Variants in OSBPL6 observed in about 807,000 individuals in gnomAD.
OSBPL6 encodes oxysterol-binding protein-related protein 6.
In OSBPL6, 49 loss-of-function variants were observed where a neutral mutation model predicts 125.8. The observed-to-expected ratio is 0.39, with a 90% CI of 0.31 to 0.49. The LOEUF is 0.49. OSBPL6 is among the 20% of genes least tolerant of loss of function. OSBPL6 has a pLI of 0.88. For missense variants in OSBPL6, 986 were observed against 1,135.4 expected (o/e 0.87, Z 1.89); for synonymous variants, 394 against 391.8 (o/e 1.01, Z -0.07).
intron 1 of OSBPL6, among the ~76,000 whole-genome samples, chr2:178,252,540 T>C (rs1004243888): frequency 6.6e-6 from 1 of 151,900 alleles, no homozygotes; most frequent in Non-Finnish European, 1.5e-5. Flanking sequence ...ACAAAAAAAA[T>C]AGGAGACTTT....
intron 1 of OSBPL6, among the ~76,000 whole-genome samples, chr2:178,243,715 T>C (rs981811302): frequency 6.6e-6 from 1 of 152,144 alleles, no homozygotes; most frequent in Non-Finnish European, 1.5e-5. Flanking sequence ...GTGCAATGGC[T>C]CAGTCTCGGC....
intron 3 of OSBPL6, among the ~76,000 whole-genome samples, chr2:178,319,781 G>A (rs952850273): frequency 2.0e-5 from 3 of 152,232 alleles, no homozygotes; most frequent in Non-Finnish European, 2.9e-5. Context: ...ATAACTAGAA[G>A]AGATACATGC....
At chr2:178,287,269 C>T (rs1684791909) in intron 2 of OSBPL6, among the ~76,000 whole-genome samples, 1 of 150,726 alleles carries the variant, frequency 6.6e-6, no homozygotes, top group Non-Finnish European at 1.5e-5. Context: ...TTTCAGGCCA[C>T]AGGGTATCCA....
intron 2 of OSBPL6, among the ~76,000 whole-genome samples, chr2:178,287,142 C>A (rs1298576989): frequency 6.6e-5 from 7 of 106,548 alleles, no homozygotes; most frequent in South Asian, 3.0e-4. Context: ...AATGGTTCTT[C>A]TTTTTTTAAA....
chr2:178,311,641 A>G (rs572439480), intron 3 of OSBPL6, among the ~76,000 whole-genome samples: 1 of 152,228 alleles, frequency 6.6e-6, no homozygotes, highest in South Asian at 2.1e-4. Context: ...GAAGATTGGG[A>G]GCTCGGCTCC....
chr2:178,306,147 T>C lies in OSBPL6; in HGVS notation c.-38T>C. ...TTGTGGATTTGAGAGAAGATTGGGA[T>C]GGTCTTAAGTGCATAAAACGAGACT... On this transcript the variant is annotated 5_prime_UTR_variant, in exon 3 of 25. An upstream start codon of the reference 5' UTR is lost. Coordinates refer to ENST00000190611, the MANE Select transcript of OSBPL6 (RefSeq NM_032523.4). 1 of 1,206,430 alleles carries C rather than the reference T, an allele frequency of 8.3e-7. No homozygotes were observed. Among genetic ancestry groups the C allele is most frequent in the Non-Finnish European group, 1.2e-6 (1 of 815,712 alleles). The allele number at this position is 1,206,430 out of a possible 1,614,324, so 74.7% of individuals were successfully genotyped here.
At chr2:178,291,340 T>C (rs1398795226) in intron 2 of OSBPL6, among the ~76,000 whole-genome samples, 1 of 152,186 alleles carries the variant, frequency 6.6e-6, no homozygotes, top group Non-Finnish European at 1.5e-5. Context: ...GATTGTACAT[T>C]TTGGATGGTA....
At chr2:178,222,416 G>A (rs1358707422) in intron 1 of OSBPL6, among the ~76,000 whole-genome samples, 3 of 152,148 alleles carry the variant, frequency 2.0e-5, no homozygotes, top group African/African-American at 7.2e-5. Context: ...AGGCCCAGGC[G>A]GGCGGATCAC....
intron 15 of OSBPL6, among the ~76,000 whole-genome samples, chr2:178,379,261 CAAAG>C (rs1402640611): frequency 1.8e-5 from 2 of 110,938 alleles, no homozygotes; most frequent in African/African-American, 3.2e-5. Context: ...GAAAGAAAAA[CAAAG>C]AAAGAGAAAG....
chr2:178,305,972 TA>T (rs1192021638), intron 2 of OSBPL6, 57 bp from the exon 3 acceptor site: 3 of 384,960 alleles, frequency 7.8e-6, no homozygotes, highest in Non-Finnish European at 1.4e-5. Flanking sequence ...ATCCTAAAGA[TA>T]ATGATTTTAA....
chr2:178,317,186 T>C (rs1315671988), intron 3 of OSBPL6, among the ~76,000 whole-genome samples: 1 of 151,576 alleles, frequency 6.6e-6, no homozygotes, highest in Non-Finnish European at 1.5e-5. Context: ...GATAAAATTG[T>C]CAGCAAATAT....
At chr2:178,368,093 A>C (rs115947921) in intron 13 of OSBPL6, among the ~76,000 whole-genome samples, 2 of 152,148 alleles carry the variant, frequency 1.3e-5, no homozygotes, top group Admixed American at 6.5e-5. Flanking sequence ...CCCTGACAAT[A>C]CTTCTCCCAA....
In OSBPL6 at chr2:178,383,246, C is replaced by T. The variant is rs977605919; in HGVS notation, c.1844C>T (p.Ala615Val). The T allele has an allele frequency of 6.2e-7, 1 of 1,614,038 alleles. No individual in the cohort carries two copies. Among genetic ancestry groups the T allele is most frequent in the Non-Finnish European group, 8.5e-7 (1 of 1,180,030 alleles). ...EMEYSELLDK[A>V]SETDDPYERM... Reference sequence around the variant, plus strand: ...GAATACAGCGAGCTCCTGGACAAGGCTTCGGAAACTGATGATCCATATGAG... The same window carrying T: ...GAATACAGCGAGCTCCTGGACAAGGTTTCGGAAACTGATGATCCATATGAG... The change falls in exon 17 of 25, where the codon GCT becomes GTT. Residue 615 changes from alanine (A) to valine (V), a missense_variant. By Grantham distance (64) the Ala-to-Val change is moderately conservative (BLOSUM62 0). Around this residue, in one of 3 missense-constraint regions of OSBPL6, gnomAD observed 843 missense variants for 997.3 expected, o/e 0.85. Transcript: ENST00000190611.
intron 1 of OSBPL6, among the ~76,000 whole-genome samples, chr2:178,203,719 T>C: frequency 6.6e-6 from 1 of 152,236 alleles, no homozygotes; most frequent in East Asian, 1.9e-4. Context: ...ACGCAATTAA[T>C]TTACTTAGAA....
chr2:178,292,765 C>G (rs1685402930), intron 2 of OSBPL6, among the ~76,000 whole-genome samples: 1 of 151,964 alleles, frequency 6.6e-6, no homozygotes, highest in Admixed American at 6.6e-5. Context: ...TGGAGACAGA[C>G]AGTAAGCCAG....
intron 1 of OSBPL6, among the ~76,000 whole-genome samples, chr2:178,276,782 G>GT (rs60096710): frequency 0.4 from 54,711 of 137,986 alleles, 10,817 homozygotes; most frequent in African/African-American, 0.47. Flanking sequence ...CACTAGAAGA[G>GT]TTTTTTTTTT....
chr2:178,304,390 G>A (rs530099564), intron 2 of OSBPL6, among the ~76,000 whole-genome samples: 1 of 152,152 alleles, frequency 6.6e-6, no homozygotes, highest in Admixed American at 6.5e-5. Context: ...TGTCAGCAGC[G>A]AGGAGAAATG....
intron 14 of OSBPL6, among the ~76,000 whole-genome samples, chr2:178,372,791 A>G (rs776614484): frequency 1.3e-5 from 2 of 152,192 alleles, no homozygotes; most frequent in Non-Finnish European, 2.9e-5. Context: ...TGCATGTGTT[A>G]TCTCATTTGA....
chr2:178,361,586 T>G, intron 12 of OSBPL6, 96 bp from the exon 13 acceptor site: 2 of 1,442,830 alleles, frequency 1.4e-6, no homozygotes, highest in Non-Finnish European at 1.9e-6. Flanking sequence ...TTCCAAAAAA[T>G]GCCTATTTGT....
Sources: allele counts gnomAD v4.1 joint callset (sites outside exome capture counted in the v4.1 genomes callset), GRCh38; gene constraint gnomAD v4.1.1; regional missense constraint gnomAD v4.1.1; transcripts MANE v1.5; gene names NCBI Gene and HGNC (gene_info 2026-07-23, HGNC 2026-07-21).